SYNRG: variants seen among roughly 807,000 people sequenced by gnomAD.
SYNRG encodes the protein synergin gamma.
SYNRG carries 37 observed loss-of-function variants against 130.9 expected under a neutral mutation model. That is an observed-to-expected ratio of 0.28 (90% CI 0.22 to 0.37). SYNRG has a LOEUF of 0.37. SYNRG is among the 10% of genes least tolerant of loss of function. The pLI is 1.00. For synonymous variants in SYNRG, 539 were observed against 568.1 expected (o/e 0.95, Z 0.73); for missense variants, 1,338 against 1,588.9 (o/e 0.84, Z 2.68).
intron 7 of SYNRG, 97 bp from the exon 8 acceptor site, chr17:37,576,515 A>G: frequency 1.8e-6 from 2 of 1,112,332 alleles, no homozygotes; most frequent in Non-Finnish European, 2.5e-6. Flanking sequence ...CTGGCTGGAG[A>G]CACTAAAAAA....
Position 37,586,568 on chromosome 17 carries a change from G to A in SYNRG, c.241-19C>T, listed in dbSNP as rs372394542. 1 of 1,612,708 alleles carries A rather than the reference G, an allele frequency of 6.2e-7. No homozygotes were observed. Among genetic ancestry groups the A allele is most frequent in the Non-Finnish European group, 8.5e-7 (1 of 1,179,336 alleles). On this transcript the variant is annotated intron_variant, in intron 3 of 21. Transcript: ENST00000612223. The stretch of plus-strand genomic sequence containing the variant: ...TTCCTGCCTAGAAGAAACAGACAAA[G>A]GCTTAAAAAACACAATTTATCCCTT...
At chr17:37,562,190 A>G (rs955418641) in intron 11 of SYNRG, among the ~76,000 whole-genome samples, 1 of 152,238 alleles carries the variant, frequency 6.6e-6, no homozygotes, top group African/African-American at 2.4e-5. Flanking sequence ...CATAGAGTTA[A>G]TACAATTTGC....
At chr17:37,579,278 G>A (rs2061097972) in intron 6 of SYNRG, 1 of 1,303,330 alleles carries the variant, frequency 7.7e-7, no homozygotes, top group South Asian at 1.2e-5. Context: ...GCCAAGTGGG[G>A]TGGAGGGGTG....
At chr17:37,592,409 C>CAAT (rs2062275133) in intron 3 of SYNRG, among the ~76,000 whole-genome samples, 1 of 152,098 alleles carries the variant, frequency 6.6e-6, no homozygotes, top group South Asian at 2.1e-4. Flanking sequence ...ACTGAAAATG[C>CAAT]AATACCATGC....
At chr17:37,540,252 T>C in intron 16 of SYNRG, 128 bp downstream of exon 16, 1 of 1,154,616 alleles carries the variant, frequency 8.7e-7, no homozygotes, top group Non-Finnish European at 1.2e-6. Flanking sequence ...AATTACATAG[T>C]TTATGTCTGG....
chr17:37,600,533 T>C (rs1182485203), intron 1 of SYNRG, 130 bp from the exon 2 acceptor site: 4 of 867,370 alleles, frequency 4.6e-6, no homozygotes, highest in Non-Finnish European at 7.7e-6. Context: ...CAATACTGAA[T>C]TGCCCAACAT....
intron 13 of SYNRG, among the ~76,000 whole-genome samples, chr17:37,560,027 A>T (rs1401600629): frequency 6.6e-6 from 1 of 152,052 alleles, no homozygotes; most frequent in African/African-American, 2.4e-5. Context: ...CCTCTGGAAT[A>T]GCTGGGGCCA....
chr17:37,570,914 G>C, intron 9 of SYNRG, 29 bp from the exon 10 acceptor site: 2 of 1,600,650 alleles, frequency 1.2e-6, no homozygotes, highest in Admixed American at 1.7e-5. Context: ...AAATGGATTA[G>C]AGGATTGTAA....
intron 14 of SYNRG, among the ~76,000 whole-genome samples, chr17:37,552,108 G>T (rs916996739): frequency 6.6e-6 from 1 of 152,236 alleles, no homozygotes; most frequent in Admixed American, 6.5e-5. Context: ...AAAGCTATAG[G>T]ACTTTACAAT....
chr17:37,543,347 A>G (rs1819785489), intron 14 of SYNRG, among the ~76,000 whole-genome samples: 1 of 151,954 alleles, frequency 6.6e-6, no homozygotes, highest in African/African-American at 2.4e-5. Context: ...GAAGAAAAAG[A>G]AAGAACTGCT....
chr17:37,562,390 T>TTTC (rs35772731), intron 11 of SYNRG, among the ~76,000 whole-genome samples: 11,005 of 151,780 alleles, frequency 0.073, 1,010 homozygotes, highest in African/African-American at 0.22. Context: ...AGCATTACTT[T>TTTC]TTCTTCTTCT....
At chr17:37,527,734 T>G (rs2056117095) in intron 19 of SYNRG, among the ~76,000 whole-genome samples, 1 of 152,152 alleles carries the variant, frequency 6.6e-6, no homozygotes, top group Admixed American at 6.5e-5. Context: ...TATATGCAAA[T>G]CCTATGCCAT....
intron 19 of SYNRG, among the ~76,000 whole-genome samples, chr17:37,534,262 AACT>A (rs1380952477): frequency 2.6e-5 from 4 of 151,934 alleles, no homozygotes; most frequent in African/African-American, 9.7e-5. Flanking sequence ...CATATTTTCT[AACT>A]ACTAATAATA....
intron 5 of SYNRG, among the ~76,000 whole-genome samples, chr17:37,584,998 T>C (rs1196512822): frequency 6.6e-6 from 1 of 152,228 alleles, no homozygotes; most frequent in East Asian, 1.9e-4. Flanking sequence ...TGTTTGATAT[T>C]AAGTGTCCTG....
At chr17:37,551,259 C>G (rs912091476) in intron 14 of SYNRG, among the ~76,000 whole-genome samples, 5 of 152,186 alleles carry the variant, frequency 3.3e-5, no homozygotes, top group African/African-American at 1.2e-4. Flanking sequence ...GCCATTTACC[C>G]TCTACAATAC....
rs563786696 is a variant in SYNRG at position 37,516,275 on chromosome 17, A to G, written c.*2665T>C. ...CTGAATGCAGCGTTGAGCCATTTTA[A>G]TAAACGTTTATAAAGAAAAGCAGCG... On this transcript the variant is annotated 3_prime_UTR_variant, in exon 22 of 22. Coordinates refer to ENST00000612223, the MANE Select transcript of SYNRG (RefSeq NM_007247.6). 1 of 152,366 alleles carries G rather than the reference A, an allele frequency of 6.6e-6. No homozygotes were observed. The highest frequency in any genetic ancestry group is 1.5e-5 in the Non-Finnish European group (1 of 68,042). The allele number at this position is 152,366 out of a possible 1,614,324, so 9.4% of individuals were successfully genotyped here.
At chr17:37,564,731 G>A (rs913763009) in intron 11 of SYNRG, among the ~76,000 whole-genome samples, 2 of 152,164 alleles carry the variant, frequency 1.3e-5, no homozygotes, top group Admixed American at 6.5e-5. Context: ...ACAATGTGGA[G>A]TACAGATTAT....
At chr17:37,575,317 T>C (rs935599159) in intron 8 of SYNRG, among the ~76,000 whole-genome samples, 1 of 152,116 alleles carries the variant, frequency 6.6e-6, no homozygotes, top group African/African-American at 2.4e-5. Context: ...GGAATGTTCA[T>C]AACACAAAGA....
intron 3 of SYNRG, among the ~76,000 whole-genome samples, chr17:37,594,462 CTT>C (rs58155320): frequency 2.4e-5 from 3 of 124,494 alleles, no homozygotes; most frequent in South Asian, 2.6e-4. Context: ...CTTTCTTCTT[CTT>C]TTTTTTTTTT....
Sources: gnomAD v4.1 joint callset for allele counts (sites outside exome capture counted in the v4.1 genomes callset) on GRCh38, gnomAD v4.1.1 for gene constraint, MANE v1.5 for transcripts, NCBI Gene and HGNC (gene_info 2026-07-23, HGNC 2026-07-21) for gene names.